The following TBC1D31 variants were observed in gnomAD, a reference collection of about 807,000 sequenced individuals.
TBC1D31 encodes the protein WD repeat domain 67.
A neutral mutation model predicts 132.9 loss-of-function variants in TBC1D31; 99 were observed. The observed-to-expected ratio is 0.74, with a 90% CI of 0.63 to 0.88. The LOEUF (loss-of-function observed/expected upper bound fraction) is 0.88. TBC1D31 is among the 40% of genes least tolerant of loss of function. TBC1D31 has a pLI of 0.00. For synonymous variants in TBC1D31, 385 were observed against 419.4 expected, an observed-to-expected ratio of 0.92 and a Z score of 1.00; for missense variants, 1,134 against 1,256.6, an observed-to-expected ratio of 0.90 and a Z score of 1.48.
chr8:123,100,784 A>C (rs961790082), intron 6 of TBC1D31, 23 bp from the exon 7 acceptor site: 7 of 1,583,582 alleles, frequency 4.4e-6, no homozygotes, highest in Non-Finnish European at 4.3e-6. Flanking sequence ...TGTTTTTAGG[A>C]ATTTATATTT....
the TBC1D31 span, among the ~76,000 whole-genome samples, chr8:123,162,017 C>CAAAAAAA: frequency 2.6e-5 from 2 of 76,084 alleles, no homozygotes; most frequent in African/African-American, 1.0e-4. Flanking sequence ...GAGTCCGACT[C>CAAAAAAA]AAAAAAAAAA....
In TBC1D31 at chr8:123,084,332, A is replaced by G. The variant is rs1815491591; in HGVS notation, c.511A>G (p.Ile171Val). 6.2e-7 allele frequency: 1 copy of G among 1,613,950 alleles called. No homozygotes were observed. Among genetic ancestry groups the G allele is most frequent in the East Asian group, 2.2e-5 (1 of 44,886 alleles). ...RKLNIRQSVGIQKVFFLPLSN... is the reference protein window; with the variant it reads ...RKLNIRQSVGVQKVFFLPLSN... ...GCTGAATATTCGCCAGTCTGTGGGT[A>G]TACAGAAGGTCAGTGAGGGGGTACA... Residue 171 changes from isoleucine (I) to valine (V), a missense_variant, in exon 4 of 22, where the codon ATA becomes GTA. Transcript: ENST00000287380.
intron 4 of TBC1D31, 71 bp from the exon 5 acceptor site, chr8:123,093,520 T>G: frequency 9.5e-7 from 1 of 1,052,938 alleles, no homozygotes; most frequent in Non-Finnish European, 1.3e-6. Context: ...AATAGACTAC[T>G]TGTATAATTT....
downstream of TBC1D31, among the ~76,000 whole-genome samples, chr8:123,152,924 T>C (rs558435298): frequency 3.0e-4 from 45 of 152,304 alleles, no homozygotes; most frequent in African/African-American, 1.1e-3. Flanking sequence ...GCTTGACACA[T>C]AGTAAGTATA....
chr8:123,072,721 C>G lies in TBC1D31; in HGVS notation c.-49C>G, dbSNP rs1467913724. 2 of 1,543,524 alleles carry G rather than the reference C, an allele frequency of 1.3e-6. No individual in the cohort carries two copies. Among genetic ancestry groups the G allele is most frequent in the Non-Finnish European group, 1.8e-6 (2 of 1,141,472 alleles). On this transcript the variant is annotated 5_prime_UTR_variant, in exon 1 of 22. Coordinates refer to ENST00000287380, the MANE Select transcript of TBC1D31 (RefSeq NM_145647.4). ...GAGCGCTGGGCCTGCCGGGAAGGCG[C>G]TGGGACGGTTACCCAGCGGGCCGCC...
rs765337362 is a variant in TBC1D31 at position 123,144,737 on chromosome 8, A to G, written c.2856A>G (p.Lys952=). 1 of 1,605,184 alleles carries G rather than the reference A, an allele frequency of 6.2e-7. No individual in the cohort carries two copies. The highest frequency in any genetic ancestry group is 8.5e-7 in the Non-Finnish European group (1 of 1,177,950). ...TTTAGTGGAAGGAAGCTGAAGGAAAAGAGTTCCGTTTGAGATCAGCAAAGA... is the reference window on the plus strand; with the variant it reads ...TTTAGTGGAAGGAAGCTGAAGGAAAGGAGTTCCGTTTGAGATCAGCAAAGA... The part of the protein sequence containing the change: ...EAKKWKEAEG[K]EFRLRSAKKA... Residue 952 remains lysine (K), a synonymous_variant, in exon 20 of 22, where the codon AAA becomes AAG. Transcript: ENST00000287380.
intron 2 of TBC1D31, among the ~76,000 whole-genome samples, chr8:123,077,533 A>ATTTTTTT (rs33948089): frequency 1.4e-5 from 2 of 143,482 alleles, no homozygotes; most frequent in Non-Finnish European, 3.0e-5. Flanking sequence ...ATTATTGCTA[A>ATTTTTTT]TTTTTTTTTT....
intron 4 of TBC1D31, among the ~76,000 whole-genome samples, chr8:123,087,322 C>T (rs140059406): frequency 6.4e-4 from 98 of 152,110 alleles, no homozygotes; most frequent in Non-Finnish European, 1.1e-3. Context: ...AATTATTTTG[C>T]TTCAGGTTGT....
At position 123,072,810 on chromosome 8, in the gene TBC1D31, T is replaced by C; in HGVS notation, c.41T>C (p.Ile14Thr). The change falls in exon 1 of 22, where the codon ATA (isoleucine) becomes ACA (threonine). Residue 14 changes from isoleucine to threonine, a missense_variant. Coordinates refer to ENST00000287380, the MANE Select transcript of TBC1D31 (RefSeq NM_145647.4). The part of the protein sequence containing the change: ...TDLGNKESGK[I>T]WHRKPSPATR... The stretch of plus-strand genomic sequence containing the variant: ...CTAGGCAACAAGGAGAGCGGCAAGA[T>C]ATGGCACCGCAAGCCGTCCCCGGCC... The C allele has an allele frequency of 6.4e-7, 1 of 1,574,444 alleles. No individual in the cohort carries two copies. Among genetic ancestry groups the C allele is most frequent in the Non-Finnish European group, 8.6e-7 (1 of 1,160,562 alleles).
chr8:123,078,033 G>A (rs1320574457), intron 2 of TBC1D31, among the ~76,000 whole-genome samples: 1 of 151,766 alleles, frequency 6.6e-6, no homozygotes, highest in Non-Finnish European at 1.5e-5. Flanking sequence ...TAGCCTGGGC[G>A]ACAAAGCAAG....
At chr8:123,141,954 G>A (rs1821747032) in intron 18 of TBC1D31, among the ~76,000 whole-genome samples, 1 of 140,702 alleles carries the variant, frequency 7.1e-6, no homozygotes, top group Non-Finnish European at 1.5e-5. Context: ...TCCACCTCCT[G>A]GGTTCAAGCA....
intron 16 of TBC1D31, among the ~76,000 whole-genome samples, chr8:123,130,920 C>T (rs1820559783): frequency 6.6e-6 from 1 of 151,780 alleles, no homozygotes; most frequent in Non-Finnish European, 1.5e-5. Context: ...CCAAGCCCGG[C>T]AGTTAATTTT....
At chr8:123,083,358 A>G (rs1815375403) in intron 3 of TBC1D31, 1 of 152,172 alleles carries the variant, frequency 6.6e-6, no homozygotes, top group Admixed American at 6.6e-5. Context: ...AAGTTTAAAA[A>G]CCAAATGTAT....
chr8:123,108,581 G>A (rs1044126691), intron 8 of TBC1D31, among the ~76,000 whole-genome samples: 3 of 152,032 alleles, frequency 2.0e-5, no homozygotes, highest in African/African-American at 4.8e-5. Context: ...GGCCTAATTC[G>A]GCTATTCAAG....
In TBC1D31 at chr8:123,133,263, G is replaced by A. The variant is rs541247728; in HGVS notation, c.2407-851G>A. Among the ~76,000 whole-genome samples, 12 of 152,264 alleles carry A rather than the reference G, an allele frequency of 7.9e-5. No individual in the cohort carries two copies. The South Asian group carries it at 8.3e-4, about 11-fold the overall frequency. On this transcript the variant is annotated intron_variant, in intron 16 of 21. Transcript: ENST00000287380. ...TCTGTAATTGAAATTCCTAAAAAGC[G>A]TGATTTGCTAGGCCACACCTCTCCT...
At chr8:123,146,544 T>G (rs1822228328) in intron 20 of TBC1D31, among the ~76,000 whole-genome samples, 1 of 152,270 alleles carries the variant, frequency 6.6e-6, no homozygotes, top group African/African-American at 2.4e-5. Flanking sequence ...GTGGATATTA[T>G]GTATTTTTTT....
At chr8:123,161,438 T>G in the TBC1D31 span, among the ~76,000 whole-genome samples, 1 of 152,200 alleles carries the variant, frequency 6.6e-6, no homozygotes, top group Non-Finnish European at 1.5e-5. Context: ...CCCGAAGGGC[T>G]CAGTGCTTCA....
At chr8:123,147,228 A>G (rs1304095336) in intron 20 of TBC1D31, among the ~76,000 whole-genome samples, 1 of 151,178 alleles carries the variant, frequency 6.6e-6, no homozygotes, top group African/African-American at 2.4e-5. Context: ...GCTGGAGTGC[A>G]GTGGCACAAT....
At chr8:123,149,117 G>A (rs1043982528) in intron 20 of TBC1D31, among the ~76,000 whole-genome samples, 7 of 151,480 alleles carry the variant, frequency 4.6e-5, no homozygotes, top group Non-Finnish European at 7.4e-5. Context: ...TTCTTTTTCC[G>A]CTGAGTTCTG....
Sources: gnomAD v4.1 joint callset for allele counts (sites outside exome capture counted in the v4.1 genomes callset) on GRCh38, gnomAD v4.1.1 for gene constraint, MANE v1.5 for transcripts, NCBI Gene and HGNC (gene_info 2026-07-23, HGNC 2026-07-21) for gene names.